Variants in ARHGAP42 observed in about 807,000 individuals in gnomAD.
ARHGAP42 encodes Rho GTPase activating protein 42.
In ARHGAP42, 63 loss-of-function variants were observed where a neutral mutation model predicts 125.0. That is an observed-to-expected ratio of 0.50 (90% CI 0.41 to 0.62). The LOEUF (loss-of-function observed/expected upper bound fraction) is 0.62. Ranked by LOEUF, ARHGAP42 falls within the 20% of genes least tolerant of loss-of-function variation. The pLI is 0.00. For missense variants in ARHGAP42, 766 were observed against 1,024.2 expected (o/e 0.75, Z 3.44); for synonymous variants, 339 against 351.0 (o/e 0.97, Z 0.38).
intron 3 of ARHGAP42, among the ~76,000 whole-genome samples, chr11:100,818,699 A>G (rs554208842): frequency 2.1e-4 from 32 of 152,254 alleles, no homozygotes; most frequent in Admixed American, 9.8e-4. Flanking sequence ...AGGGCAGTGA[A>G]AGGCATACTG....
intron 3 of ARHGAP42, among the ~76,000 whole-genome samples, chr11:100,841,088 A>G (rs570235246): frequency 6.6e-6 from 1 of 152,282 alleles, no homozygotes; most frequent in Non-Finnish European, 1.5e-5. Flanking sequence ...TGATACGTAC[A>G]CTTTTGTGTA....
intron 4 of ARHGAP42, among the ~76,000 whole-genome samples, chr11:100,868,159 G>A (rs1018456400): frequency 7.2e-5 from 11 of 152,110 alleles, no homozygotes; most frequent in Non-Finnish European, 1.5e-4. Context: ...AGTGAGCATT[G>A]TTTAAAAAAA....
At chr11:100,779,519 C>CATATACAT (rs1481366633) in intron 2 of ARHGAP42, among the ~76,000 whole-genome samples, 4,757 of 127,594 alleles carry the variant, frequency 0.037, 422 homozygotes, top group East Asian at 0.15. Context: ...TATATATATA[C>CATATACAT]GTATACATGC....
rs889832603 is a variant in ARHGAP42 at position 100,989,906 on chromosome 11, A to G, written c.*1105A>G. ...AAACACAAAGGTACAAGATCCTTAA[A>G]TTATTTTGAACCACAGAGGTTGAAA... is the stretch of plus-strand genomic sequence containing the variant. On this transcript the variant is annotated 3_prime_UTR_variant, in exon 24 of 24. Transcript: ENST00000298815. 1 of 152,240 alleles carries G rather than the reference A, an allele frequency of 6.6e-6. No homozygotes were observed. Among genetic ancestry groups the G allele is most frequent in the Non-Finnish European group, 1.5e-5 (1 of 68,046 alleles). 9.4% of individuals were successfully genotyped at this position (152,240 alleles called of 1,614,324 possible).
intron 1 of ARHGAP42, among the ~76,000 whole-genome samples, chr11:100,740,693 G>C (rs548013976): frequency 6.6e-6 from 1 of 152,314 alleles, no homozygotes; most frequent in East Asian, 1.9e-4. Flanking sequence ...TAAAGCGATG[G>C]GGTAGGTACA....
At chr11:100,770,871 G>C (rs997705567) in intron 2 of ARHGAP42, among the ~76,000 whole-genome samples, 4 of 152,200 alleles carry the variant, frequency 2.6e-5, no homozygotes, top group Non-Finnish European at 5.9e-5. Flanking sequence ...GAGCCACTGC[G>C]CTTGGCCTAA....
intron 17 of ARHGAP42, among the ~76,000 whole-genome samples, chr11:100,968,952 T>G (rs932739437): frequency 1.3e-5 from 2 of 152,052 alleles, no homozygotes; most frequent in Admixed American, 1.3e-4. Context: ...TTGTGTGTGT[T>G]TGTTTGTTTT....
intron 4 of ARHGAP42, among the ~76,000 whole-genome samples, chr11:100,871,039 T>C (rs957692339): frequency 8.5e-5 from 13 of 152,152 alleles, no homozygotes; most frequent in Admixed American, 2.6e-4. Flanking sequence ...GTAAATAAAT[T>C]GTACCAGCAT....
At chr11:100,938,569 A>G (rs1291826275) in intron 8 of ARHGAP42, among the ~76,000 whole-genome samples, 1 of 152,176 alleles carries the variant, frequency 6.6e-6, no homozygotes, top group Non-Finnish European at 1.5e-5. Flanking sequence ...ATTTTGCCAC[A>G]TTCATTCACC....
chr11:100,824,994 A>T (rs1400545338), intron 3 of ARHGAP42, among the ~76,000 whole-genome samples: 2 of 152,204 alleles, frequency 1.3e-5, no homozygotes, highest in African/African-American at 4.8e-5. Flanking sequence ...ACAAAGGAGG[A>T]TGGTTAACAA....
chr11:100,705,038 G>T (rs1192196793), intron 1 of ARHGAP42, among the ~76,000 whole-genome samples: 1 of 139,824 alleles, frequency 7.2e-6, no homozygotes, highest in African/African-American at 2.8e-5. Flanking sequence ...AAAAAAGAGA[G>T]AAGAAAAGAA....
intron 2 of ARHGAP42, among the ~76,000 whole-genome samples, chr11:100,775,282 G>A (rs868154980): frequency 3.3e-5 from 5 of 152,112 alleles, no homozygotes; most frequent in South Asian, 2.1e-4. Flanking sequence ...TGCTAGACAC[G>A]CGGGGCTCAG....
intron 1 of ARHGAP42, among the ~76,000 whole-genome samples, chr11:100,755,326 C>T (rs1354164590): frequency 6.6e-6 from 1 of 152,174 alleles, no homozygotes; most frequent in Non-Finnish European, 1.5e-5. Context: ...TGGGTCCCTG[C>T]ACTACACAAC....
chr11:100,987,608 C>T lies in ARHGAP42; in HGVS notation c.2536+16C>T, dbSNP rs1324042454. The T allele has an allele frequency of 6.5e-7, 1 of 1,547,676 alleles. No individual in the cohort carries two copies. The highest frequency in any genetic ancestry group is 8.7e-7 in the Non-Finnish European group (1 of 1,143,462). On this transcript the variant is annotated intron_variant, in intron 23 of 23. Transcript: ENST00000298815. ...TTTTCTAATGGTAAGTATGTCAATT[C>T]CCTCTGCCTAAGTTTGTCATCATGG...
intron 3 of ARHGAP42, chr11:100,816,632 A>C (rs1397600253): frequency 1.3e-5 from 2 of 152,220 alleles, no homozygotes; most frequent in Non-Finnish European, 2.9e-5. Flanking sequence ...TATACATTGG[A>C]TAATTTAGTC....
intron 12 of ARHGAP42, among the ~76,000 whole-genome samples, chr11:100,955,186 T>A (rs971279951): frequency 6.6e-6 from 1 of 151,392 alleles, no homozygotes; most frequent in African/African-American, 2.4e-5. Context: ...TTATGGAAAT[T>A]TTTTTAAGGT....
intron 1 of ARHGAP42, among the ~76,000 whole-genome samples, chr11:100,705,352 AAG>A (rs753380922): frequency 1.3e-5 from 2 of 152,116 alleles, no homozygotes; most frequent in African/African-American, 2.4e-5. Context: ...GAATAGTAGA[AAG>A]AGAGTGAGCT....
In ARHGAP42 at chr11:100,992,400, CTTTCCCCTTGACTAAAGG is replaced by C. The variant is rs1858857409; in HGVS notation, c.*3609_*3626del. ...AGGCTTGACTATTGTCCAGAAGTTACTTTCCCCTTGACTAAAGGTTTCCCCTTAGGGTACACATTGCTA... is the reference window on the plus strand; with the variant it reads ...AGGCTTGACTATTGTCCAGAAGTTACTTTCCCCTTAGGGTACACATTGCTA... On this transcript the variant is annotated 3_prime_UTR_variant, in exon 24 of 24. Coordinates refer to ENST00000298815, the MANE Select transcript of ARHGAP42 (RefSeq NM_152432.4). 1.2e-6 allele frequency: 2 copies of C among 1,614,090 alleles called. No individual in the cohort carries two copies. Among genetic ancestry groups the C allele is most frequent in the African/African-American group, 2.7e-5 (2 of 75,056 alleles).
chr11:100,825,406 A>G (rs116367352), intron 3 of ARHGAP42, among the ~76,000 whole-genome samples: 187 of 152,306 alleles, frequency 1.2e-3, no homozygotes, highest in African/African-American at 4.4e-3. Flanking sequence ...TAGTTTTAGG[A>G]AAATGTTAGC....
Sources: gnomAD v4.1 joint callset for allele counts (sites outside exome capture counted in the v4.1 genomes callset) on GRCh38, gnomAD v4.1.1 for gene constraint, MANE v1.5 for transcripts, NCBI Gene and HGNC (gene_info 2026-07-23, HGNC 2026-07-21) for gene names.